Variants in RNF6 observed in about 807,000 individuals in gnomAD.
The protein encoded by RNF6 is ring finger protein 6, also known as E3 ubiquitin-protein ligase RNF6.
RNF6 carries 21 observed loss-of-function variants against 50.1 expected under a neutral mutation model. The ratio of observed to expected loss-of-function variants is 0.42; its 90% CI spans 0.30 to 0.60. The LOEUF (loss-of-function observed/expected upper bound fraction) is 0.60. Among genes scored for constraint, RNF6 ranks in the 20% least tolerant of loss-of-function variants. The pLI, the probability that RNF6 is intolerant of heterozygous loss-of-function variation, is 0.20. For synonymous variants in RNF6, 255 were observed against 291.8 expected (o/e 0.87, Z 1.29); for missense variants, 698 against 838.2 (o/e 0.83, Z 2.07).
chr13:26,206,750 A>G (rs1300137584), intron 5 of RNF6, among the ~76,000 whole-genome samples: 1 of 152,024 alleles, frequency 6.6e-6, no homozygotes, highest in Non-Finnish European at 1.5e-5. Context: ...TGCTTATTAC[A>G]TATATATTGA....
At chr13:26,165,737 T>A (rs914059928) in intron 5 of RNF6, among the ~76,000 whole-genome samples, 1 of 152,244 alleles carries the variant, frequency 6.6e-6, no homozygotes, top group East Asian at 1.9e-4. Flanking sequence ...GTAGCCCCTT[T>A]GTTTTGGCCT....
At chr13:26,152,371 T>C (rs1871659697) in intron 5 of RNF6, among the ~76,000 whole-genome samples, 1 of 152,220 alleles carries the variant, frequency 6.6e-6, no homozygotes, top group Non-Finnish European at 1.5e-5. Flanking sequence ...CCTTGGTCCA[T>C]CGGATTACGT....
intron 2 of RNF6, among the ~76,000 whole-genome samples, chr13:26,220,321 T>G (rs1870347383): frequency 6.6e-6 from 1 of 152,148 alleles, no homozygotes. Context: ...ATCAGAGCAC[T>G]TTGTATCACC....
At chr13:26,217,837 TG>T in intron 4 of RNF6, among the ~76,000 whole-genome samples, 1 of 152,208 alleles carries the variant, frequency 6.6e-6, no homozygotes, top group East Asian at 1.9e-4. Context: ...GTTAGCTGAG[TG>T]GGTTCCAAGA....
chr13:26,175,141 C>T lies in RNF6; in HGVS notation n.768+40333G>A, dbSNP rs143776334. Among the ~76,000 whole-genome samples the T allele has an allele frequency of 2.8e-4, 43 of 152,158 alleles. No homozygotes were observed. In the East Asian group the frequency reaches 5.4e-3, roughly 19 times the overall value. ...TGTCACCCAGGCTGGAGTGCAATGG[C>T]GTGATCTCGGCTCACTGCAACCTCC... On this transcript the variant is annotated intron_variant and non_coding_transcript_variant, in intron 5 of 5. Transcript: ENST00000468480.
Position 26,218,626 on chromosome 13 carries a change from C to A in RNF6, c.194-20G>T. The A allele has an allele frequency of 6.3e-7, 1 of 1,596,662 alleles. No homozygotes were observed. Among genetic ancestry groups the A allele is most frequent in the Non-Finnish European group, 8.6e-7 (1 of 1,164,564 alleles). ...TTTCTCCTAAAACAATGAAAAACTGCTCATTTAAGAATTCTGAATTAAGTT... is the reference window on the plus strand; with the variant it reads ...TTTCTCCTAAAACAATGAAAAACTGATCATTTAAGAATTCTGAATTAAGTT... On this transcript the variant is annotated intron_variant, in intron 3 of 4. Transcript: ENST00000381588.
intron 2 of RNF6, 108 bp from the exon 3 acceptor site, chr13:26,219,775 C>T (rs1453768148): frequency 6.2e-6 from 6 of 964,116 alleles, no homozygotes; most frequent in South Asian, 5.3e-5. Flanking sequence ...GTCCCCTACC[C>T]AAATACTGTA....
chr13:26,149,439 T>C (rs1249820230), intron 5 of RNF6, among the ~76,000 whole-genome samples: 1 of 151,912 alleles, frequency 6.6e-6, no homozygotes, highest in African/African-American at 2.4e-5. Flanking sequence ...TACAAAAAAT[T>C]AGCTGAGCGT....
At chr13:26,134,806 C>T (rs1399031325) in intron 5 of RNF6, among the ~76,000 whole-genome samples, 2 of 152,056 alleles carry the variant, frequency 1.3e-5, no homozygotes, top group East Asian at 3.9e-4. Flanking sequence ...TACCACCAAA[C>T]TATTAAAATA....
chr13:26,184,826 AAAT>A (rs1187322072), intron 5 of RNF6, among the ~76,000 whole-genome samples: 4 of 152,202 alleles, frequency 2.6e-5, no homozygotes, highest in Admixed American at 2.0e-4. Flanking sequence ...CACAAAGGAT[AAAT>A]CTGTGGACTC....
intron 3 of RNF6, 120 bp downstream of exon 3, chr13:26,219,337 A>G (rs1870231039): frequency 1.2e-6 from 1 of 865,246 alleles, no homozygotes; most frequent in Non-Finnish European, 1.7e-6. Flanking sequence ...AACTCACAAA[A>G]ACAATATACT....
rs930528469 is a variant in RNF6 at position 26,219,360 on chromosome 13, A to T, written c.193+97T>A. On this transcript the variant is annotated intron_variant, in intron 3 of 4. Coordinates refer to ENST00000381588, the MANE Select transcript of RNF6 (RefSeq NM_005977.4). ...AAAACAATATACTATATTTTCATAA[A>T]GAGAAGCAAGGAAAAAGAATACCAA... 386 of 1,044,956 alleles carry T rather than the reference A, an allele frequency of 3.7e-4. 5 individuals carry two copies. The East Asian group carries it at 9.6e-3, about 26-fold the overall frequency. 64.7% of individuals were successfully genotyped at this position (1,044,956 alleles called of 1,614,324 possible). A position where few individuals can be genotyped will look rare whatever the true frequency, so the allele number is the denominator to read the frequency against.
At chr13:26,211,571 A>G (rs1419003737), downstream of RNF6, among the ~76,000 whole-genome samples, 1 of 152,148 alleles carries the variant, frequency 6.6e-6, no homozygotes, top group Non-Finnish European at 1.5e-5. Context: ...AGCCTGGCCA[A>G]CATGGTGAAA....
intron 5 of RNF6, among the ~76,000 whole-genome samples, chr13:26,154,570 T>C (rs1054165008): frequency 6.6e-6 from 1 of 152,210 alleles, no homozygotes; most frequent in African/African-American, 2.4e-5. Context: ...CACATACTGG[T>C]ATTTATCTAG....
At chr13:26,175,989 G>A (rs1285804077) in intron 5 of RNF6, among the ~76,000 whole-genome samples, 6 of 152,104 alleles carry the variant, frequency 3.9e-5, no homozygotes, top group African/African-American at 1.4e-4. Flanking sequence ...GAGTGAACTT[G>A]CTCTGGTGCT....
intron 5 of RNF6, among the ~76,000 whole-genome samples, chr13:26,160,393 ATT>A (rs1027157680): frequency 1.1e-4 from 16 of 151,590 alleles, no homozygotes; most frequent in Admixed American, 6.6e-4. Context: ...TCTACTACCT[ATT>A]TTTTTTATTT....
At chr13:26,188,081 G>T (rs1873642075) in intron 5 of RNF6, among the ~76,000 whole-genome samples, 1 of 152,214 alleles carries the variant, frequency 6.6e-6, no homozygotes, top group Non-Finnish European at 1.5e-5. Flanking sequence ...TAATAGTCTA[G>T]GAATTCTAGA....
At chr13:26,222,374 C>T (rs1325046770), upstream of RNF6, 3 of 152,358 alleles carry the variant, frequency 2.0e-5, no homozygotes, top group Non-Finnish European at 4.4e-5. Context: ...CCTCTTGCGC[C>T]GCCCTTACAG....
rs957852165 is a variant in RNF6 at position 26,218,641 on chromosome 13, T to C, written c.194-35A>G. ...TGAAAAACTGCTCATTTAAGAATTC[T>C]GAATTAAGTTTTATGAGACCTCATG... On this transcript the variant is annotated intron_variant, in intron 3 of 4. Transcript: ENST00000381588. 7.1e-6 allele frequency: 11 copies of C among 1,559,948 alleles called. No homozygotes were observed. The African/African-American group carries it at 1.4e-4, about 19-fold the overall frequency.
Sources: allele counts gnomAD v4.1 joint callset (sites outside exome capture counted in the v4.1 genomes callset), GRCh38; gene constraint gnomAD v4.1.1; transcripts MANE v1.5; gene names NCBI Gene and HGNC (gene_info 2026-07-23, HGNC 2026-07-21).